TRRAP: variants seen among roughly 807,000 people sequenced by gnomAD.
TRRAP encodes the protein transformation/transcription domain associated protein.
A neutral mutation model predicts 438.8 loss-of-function variants in TRRAP; 41 were observed. The observed-to-expected ratio is 0.09, with a 90% CI of 0.07 to 0.12. TRRAP has a LOEUF of 0.12. Ranked by LOEUF, TRRAP falls within the 10% of genes least tolerant of loss-of-function variation. The pLI, the probability that TRRAP is intolerant of heterozygous loss-of-function variation, is 1.00. For synonymous variants in TRRAP, 1,994 were observed against 1,962.9 expected, an observed-to-expected ratio of 1.02 and a Z score of -0.42; for missense variants, 3,122 against 5,055.1, an observed-to-expected ratio of 0.62 and a Z score of 11.60.
In TRRAP at chr7:99,012,364, G is replaced by A. The variant is rs113459951; in HGVS notation, c.*9G>A. 8.3e-4 allele frequency: 1,320 copies of A among 1,583,134 alleles called. 6 individuals carry two copies. In the African/African-American group the frequency reaches 0.012, roughly 14 times the overall value. On this transcript the variant is annotated 3_prime_UTR_variant, in exon 73 of 73. Transcript: ENST00000456197. This position sits in a 1 kb window ranked among gnomAD's most constrained non-coding sequence, Gnocchi z 5.9. ...GGCACCCCTGGCTGTGACTGTGGCC[G>A]CCACGGCCACCCGGAATGTGAAGGG... is the stretch of plus-strand genomic sequence containing the variant.
intron 31 of TRRAP, among the ~76,000 whole-genome samples, chr7:98,944,052 G>A (rs73155639): frequency 0.027 from 4,162 of 152,232 alleles, 83 homozygotes; most frequent in South Asian, 0.054. Context: ...GATATGCCAC[G>A]CATGACCCTG....
chr7:98,906,938 CCTT>C (rs1224716443), intron 13 of TRRAP, among the ~76,000 whole-genome samples: 3 of 151,388 alleles, frequency 2.0e-5, no homozygotes, highest in Non-Finnish European at 2.9e-5. Context: ...GGGAAGAAAA[CCTT>C]CTGGTCCTGC....
chr7:98,893,997 C>T (rs1012308083), intron 6 of TRRAP, 116 bp downstream of exon 6: 97 of 892,324 alleles, frequency 1.1e-4, no homozygotes, highest in Admixed American at 2.0e-4. Flanking sequence ...TGTAGAAATA[C>T]AGCCTAAGTT....
intron 21 of TRRAP, among the ~76,000 whole-genome samples, chr7:98,923,572 C>T (rs1789899529): frequency 6.6e-6 from 1 of 152,326 alleles, no homozygotes; most frequent in African/African-American, 2.4e-5. Context: ...TATATTGATT[C>T]TGAAAAATAA....
At chr7:98,945,508 C>T (rs1281041559) in intron 31 of TRRAP, among the ~76,000 whole-genome samples, 3 of 152,212 alleles carry the variant, frequency 2.0e-5, no homozygotes, top group Admixed American at 2.0e-4. Context: ...ATTTTGAAAA[C>T]GTGCTGTAGG....
chr7:98,915,988 T>G, intron 19 of TRRAP, 100 bp downstream of exon 19: 1 of 1,484,064 alleles, frequency 6.7e-7, no homozygotes, highest in Non-Finnish European at 9.1e-7. Flanking sequence ...AACTGGTGAG[T>G]GTCATGGTTG....
chr7:98,910,715 A>G, intron 16 of TRRAP, 108 bp downstream of exon 16: 1 of 904,964 alleles, frequency 1.1e-6, no homozygotes, highest in Non-Finnish European at 1.7e-6. Flanking sequence ...TGGATGGTCC[A>G]CAGTATTTGT....
intron 26 of TRRAP, 138 bp downstream of exon 26, chr7:98,931,803 G>A: frequency 8.5e-7 from 1 of 1,173,154 alleles, no homozygotes; most frequent in Non-Finnish European, 1.2e-6. Context: ...GACCCTGCGT[G>A]GGTACCAAAA....
At position 98,971,894 on chromosome 7, in the gene TRRAP, C is replaced by T; in HGVS notation, c.7788C>T (p.His2596=). Residue 2596 remains histidine (H), a synonymous_variant, in exon 53 of 73, where the codon CAC becomes CAT. Transcript: ENST00000456197. The stretch of plus-strand genomic sequence containing the variant: ...AAAAGGACATTGGAAACCAGCTGCA[C>T]ATGCTAACCAACAGGCACGACAAGT... The part of the protein sequence containing the change: ...LSEKDIGNQL[H]MLTNRHDKFL... 1 of 1,614,224 alleles carries T rather than the reference C, an allele frequency of 6.2e-7. No homozygotes were observed. The highest frequency in any genetic ancestry group is 1.3e-5 in the African/African-American group (1 of 75,046).
chr7:98,939,708 A>G (rs1790706446), intron 30 of TRRAP, among the ~76,000 whole-genome samples: 1 of 152,140 alleles, frequency 6.6e-6, no homozygotes, highest in African/African-American at 2.4e-5. Flanking sequence ...TCCAATAAAC[A>G]CTTTATCTTA....
chr7:98,971,740 T>G (rs1792428243), intron 52 of TRRAP, 59 bp from the exon 53 acceptor site: 1 of 1,571,472 alleles, frequency 6.4e-7, no homozygotes, highest in African/African-American at 1.4e-5. Context: ...GGAGGTGTGT[T>G]TGTTGGGTTT....
At chr7:98,879,586 C>A (rs578160243) in intron 1 of TRRAP, among the ~76,000 whole-genome samples, 2 of 152,184 alleles carry the variant, frequency 1.3e-5, no homozygotes, top group Non-Finnish European at 1.5e-5. Flanking sequence ...AGGGAGAGTC[C>A]GTGACCCCCA....
At chr7:98,937,320 ACACATGTGTGTGTACT>A (rs1790604045) in intron 29 of TRRAP, 43 bp downstream of exon 29, 1 of 1,582,834 alleles carries the variant, frequency 6.3e-7, no homozygotes, top group South Asian at 1.1e-5. Flanking sequence ...GTGTGTGCAC[ACACATGTGTGTGTACT>A]CTGCATTAAG....
At position 98,994,540 on chromosome 7, in the gene TRRAP, G is replaced by T. The variant is rs756969984; in HGVS notation, c.10048-47G>T. On this transcript the variant is annotated intron_variant, in intron 66 of 72. Coordinates refer to ENST00000456197, the MANE Select transcript of TRRAP (RefSeq NM_001375524.1). The surrounding 1 kb of genome is among the most constrained non-coding windows in gnomAD (Gnocchi z 4.8). ...TAGGCGCTTTTGGCTGCTGGTTCTG[G>T]AGTGGAGGGCTGTGTTTGTCAGTTG... 4.3e-6 allele frequency: 7 copies of T among 1,609,418 alleles called. No individual in the cohort carries two copies. The East Asian group carries it at 1.3e-4, about 31-fold the overall frequency.
In TRRAP at chr7:99,005,844, G is replaced by A. The variant is rs931309134; in HGVS notation, c.10753+496G>A. Among the ~76,000 whole-genome samples, 8 of 152,064 alleles carry A rather than the reference G, an allele frequency of 5.3e-5. No homozygotes were observed. The highest frequency in any genetic ancestry group is 2.1e-4 in the South Asian group (1 of 4,816). On this transcript the variant is annotated intron_variant, in intron 69 of 72. Transcript: ENST00000456197. This position sits in a 1 kb window ranked among gnomAD's most constrained non-coding sequence, Gnocchi z 5.1. Reference sequence around the variant, plus strand: ...GAGTGGGCCCCTGGAGAGCTGGGGCGTCTCAGTGGGTGCTGCCGGTTTTGC... The same window carrying A: ...GAGTGGGCCCCTGGAGAGCTGGGGCATCTCAGTGGGTGCTGCCGGTTTTGC...
chr7:98,889,271 G>A, intron 3 of TRRAP, among the ~76,000 whole-genome samples: 1 of 151,934 alleles, frequency 6.6e-6, no homozygotes, highest in East Asian at 1.9e-4. Context: ...GACTAAATGA[G>A]AAAGACTAAA....
rs782020441 is a variant in TRRAP at position 98,935,661 on chromosome 7, G to A, written c.4097G>A (p.Arg1366Gln). Reference sequence around the variant, plus strand: ...AGCCTTCCGTCACTCGTACCTTTACGAATTGCGGCATTAAGTAAGTTAATG... The same window carrying A: ...AGCCTTCCGTCACTCGTACCTTTACAAATTGCGGCATTAAGTAAGTTAATG... ...YKSLPSLVPL[R>Q]IAALNALAAC... Residue 1366 changes from arginine (R) to glutamine (Q), a missense_variant, in exon 28 of 73, where the codon CGA becomes CAA. Transcript: ENST00000456197. 1.3e-6 allele frequency: 2 copies of A among 1,593,590 alleles called. No homozygotes were observed. The highest frequency in any genetic ancestry group is 1.7e-6 in the Non-Finnish European group (2 of 1,163,758).
chr7:98,900,835 A>G (rs557519492), intron 11 of TRRAP, 115 bp downstream of exon 11: 1 of 777,632 alleles, frequency 1.3e-6, no homozygotes, highest in South Asian at 1.9e-5. Flanking sequence ...CATTACTAAC[A>G]CATCAAAATA....
At chr7:98,888,796 A>C (rs1239660463) in intron 3 of TRRAP, among the ~76,000 whole-genome samples, 3 of 151,950 alleles carry the variant, frequency 2.0e-5, no homozygotes, top group Non-Finnish European at 4.4e-5. Context: ...ATGTTCCCTT[A>C]GTTGTTGGCA....
Sources: gnomAD v4.1 joint callset for allele counts (sites outside exome capture counted in the v4.1 genomes callset) on GRCh38, gnomAD v4.1.1 for gene constraint, Gnocchi (gnomAD v3.1) non-coding constraint, MANE v1.5 for transcripts, NCBI Gene and HGNC (gene_info 2026-07-23, HGNC 2026-07-21) for gene names.